ACACA: variants seen among roughly 807,000 people sequenced by gnomAD.
ACACA encodes the protein acetyl-CoA carboxylase alpha, also known as acetyl-CoA carboxylase 1.
A neutral mutation model predicts 296.1 loss-of-function variants in ACACA; 103 were observed. The observed-to-expected ratio is 0.35, with a 90% CI of 0.30 to 0.41. The LOEUF (loss-of-function observed/expected upper bound fraction) is 0.41, where lower values mean the gene tolerates loss of function less well. Among genes scored for constraint, ACACA ranks in the 10% least tolerant of loss-of-function variants. The pLI is 1.00. For synonymous variants in ACACA, 953 were observed against 1,038.6 expected (o/e 0.92, Z 1.58); for missense variants, 1,554 against 2,989.7 (o/e 0.52, Z 11.20).
chr17:37,379,115 T>C (rs375481124), intron 1 of ACACA: 22 of 1,595,150 alleles, frequency 1.4e-5, no homozygotes, highest in Non-Finnish European at 1.9e-5. Context: ...TCCATTTTTC[T>C]ATCTGGTTCT....
At chr17:37,174,004 ATATATATATATATATATTTTT>A (rs2076998288) in intron 41 of ACACA, among the ~76,000 whole-genome samples, 2 of 11,170 alleles carry the variant, frequency 1.8e-4, no homozygotes, top group African/African-American at 1.4e-3. Flanking sequence ...ATATATATAT[ATATATATATATATATATTTTT>A]TTTTTTTTTT....
intron 35 of ACACA, among the ~76,000 whole-genome samples, chr17:37,198,184 T>G (rs916844905): frequency 2.0e-5 from 3 of 152,220 alleles, no homozygotes; most frequent in African/African-American, 7.2e-5. Flanking sequence ...GTGTTACATA[T>G]ATGAGAAAAT....
At chr17:37,244,884 A>G in intron 20 of ACACA, 150 bp from the exon 21 acceptor site, 1 of 1,371,812 alleles carries the variant, frequency 7.3e-7, no homozygotes, top group Non-Finnish European at 1.0e-6. Flanking sequence ...TAAGGAAATT[A>G]CAGAATCTTA....
chr17:37,386,042 TG>T, intron 1 of ACACA: 2 of 1,604,378 alleles, frequency 1.2e-6, no homozygotes, highest in East Asian at 2.2e-5. Context: ...TGTAAAGTCC[TG>T]GGGGCTTCAT....
chr17:37,352,080 G>A (rs1360174462), intron 1 of ACACA, among the ~76,000 whole-genome samples: 1 of 151,740 alleles, frequency 6.6e-6, no homozygotes, highest in South Asian at 2.1e-4. Flanking sequence ...ACAGGCGCCT[G>A]CCACCACATT....
At chr17:37,200,341 G>C in intron 34 of ACACA, 86 bp downstream of exon 34, 6 of 1,412,054 alleles carry the variant, frequency 4.2e-6, no homozygotes, top group Non-Finnish European at 6.0e-6. Context: ...AATCCTATTA[G>C]TAAGTATAAG....
chr17:37,248,688 G>C lies in ACACA; in HGVS notation c.2082-14C>G, dbSNP rs190034446. On this transcript the variant is annotated splice_polypyrimidine_tract_variant and intron_variant, in intron 16 of 55. Transcript: ENST00000616317. ...AGGACTTGACCCCTGAAAGAACGAT[G>C]AGAGAGGAACTTACTACAAAGTTCT... 9.5e-6 allele frequency: 15 copies of C among 1,572,972 alleles called. No individual in the cohort carries two copies. The highest frequency in any genetic ancestry group is 1.7e-5 in the Admixed American group (1 of 59,850).
chr17:37,390,314 A>ACATAAT lies in ACACA; in HGVS notation c.38+15947_38+15948insATTATG, dbSNP rs1555672296. Among the ~76,000 whole-genome samples the ACATAAT allele has an allele frequency of 5.4e-4, 21 of 38,692 alleles. 6 individuals carry two copies. In the East Asian group the frequency reaches 0.024, roughly 44 times the overall value. 25.4% of individuals were successfully genotyped at this position (38,692 alleles called of 152,430 possible). A position where few individuals can be genotyped will look rare whatever the true frequency, so the allele number is the denominator to read the frequency against. On this transcript the variant is annotated intron_variant, in intron 1 of 55. Coordinates refer to ENST00000616317, the MANE Select transcript of ACACA (RefSeq NM_198834.3). ...ATATATTATACATAATTATATATATATATATATATATATATATATAAAAGG... is the reference window on the plus strand; with the variant it reads ...ATATATTATACATAATTATATATATACATAATTATATATATATATATATATAAAAGG...
intron 40 of ACACA, 45 bp downstream of exon 40, chr17:37,181,156 C>T (rs1208810334): frequency 6.2e-7 from 1 of 1,610,142 alleles, no homozygotes; most frequent in Non-Finnish European, 8.5e-7. Context: ...TCAGGGAAAC[C>T]TTGCCTCCTT....
intron 41 of ACACA, among the ~76,000 whole-genome samples, chr17:37,176,850 C>T (rs2077134885): frequency 6.6e-6 from 1 of 152,116 alleles, no homozygotes; most frequent in Non-Finnish European, 1.5e-5. Flanking sequence ...TAGCTAAGGC[C>T]AATGACTGAC....
At chr17:37,268,956 T>C (rs1314102596) in intron 10 of ACACA, among the ~76,000 whole-genome samples, 1 of 151,116 alleles carries the variant, frequency 6.6e-6, no homozygotes, top group Admixed American at 6.6e-5. Flanking sequence ...CATGCCTTTT[T>C]TTTCTTTTTG....
intron 3 of ACACA, among the ~76,000 whole-genome samples, chr17:37,322,402 T>C (rs748531948): frequency 2.7e-4 from 41 of 152,160 alleles, no homozygotes; most frequent in Non-Finnish European, 4.0e-4. Flanking sequence ...ACATATGTTT[T>C]AAGACACATG....
chr17:37,116,651 AG>A (rs1191564760), intron 50 of ACACA, among the ~76,000 whole-genome samples: 1 of 152,242 alleles, frequency 6.6e-6, no homozygotes, highest in Non-Finnish European at 1.5e-5. Context: ...CCCAAAAAGC[AG>A]GCTATTAAAA....
intron 1 of ACACA, among the ~76,000 whole-genome samples, chr17:37,402,689 T>C (rs953323951): frequency 2.0e-5 from 3 of 152,172 alleles, no homozygotes; most frequent in African/African-American, 7.2e-5. Context: ...CTTTTTTTTT[T>C]TGAGACAGAG....
At chr17:37,181,766 G>C (rs1431859889) in intron 39 of ACACA, among the ~76,000 whole-genome samples, 5 of 151,642 alleles carry the variant, frequency 3.3e-5, no homozygotes, top group Non-Finnish European at 5.9e-5. Context: ...TGGGCGTGGT[G>C]GTGGGCGCCT....
At chr17:37,247,065 A>T in intron 18 of ACACA, 89 bp from the exon 19 acceptor site, 5 of 1,482,226 alleles carry the variant, frequency 3.4e-6, no homozygotes, top group Non-Finnish European at 4.7e-6. Context: ...AAAGAAAAAA[A>T]ATCCTGAAAA....
intron 1 of ACACA, among the ~76,000 whole-genome samples, chr17:37,353,516 A>G (rs1332031468): frequency 1.3e-5 from 2 of 151,580 alleles, no homozygotes; most frequent in Admixed American, 1.3e-4. Flanking sequence ...GTGTGCGCCT[A>G]TAATCCCAGC....
intron 41 of ACACA, among the ~76,000 whole-genome samples, chr17:37,164,023 T>TG (rs1168073319): frequency 1.3e-5 from 2 of 152,154 alleles, no homozygotes; most frequent in Non-Finnish European, 2.9e-5. Flanking sequence ...CCCCTATACC[T>TG]GGATAAGTAA....
At chr17:37,218,759 G>T (rs1396145919) in intron 29 of ACACA, among the ~76,000 whole-genome samples, 1 of 152,188 alleles carries the variant, frequency 6.6e-6, no homozygotes, top group African/African-American at 2.4e-5. Flanking sequence ...TCTGTAGAAT[G>T]AGAAACAATA....
Sources: gnomAD v4.1 joint callset for allele counts (sites outside exome capture counted in the v4.1 genomes callset) on GRCh38, gnomAD v4.1.1 for gene constraint, MANE v1.5 for transcripts, NCBI Gene and HGNC (gene_info 2026-07-23, HGNC 2026-07-21) for gene names.